UGCG: variants seen among roughly 807,000 people sequenced by gnomAD.
UGCG encodes the protein UDP-glucose ceramide glucosyltransferase, also known as ceramide glucosyltransferase.
Under a neutral mutation model 49.5 loss-of-function variants are expected in UGCG, and 10 were observed. That is an observed-to-expected ratio of 0.20 (90% CI 0.12 to 0.34). The LOEUF (loss-of-function observed/expected upper bound fraction) is 0.34, where lower values mean the gene tolerates loss of function less well. Among genes scored for constraint, UGCG ranks in the 10% least tolerant of loss-of-function variants. UGCG has a pLI of 1.00. For missense variants in UGCG, 312 were observed against 483.7 expected, an observed-to-expected ratio of 0.65 and a Z score of 3.33; for synonymous variants, 182 against 158.2, an observed-to-expected ratio of 1.15 and a Z score of -1.13.
At chr9:111,923,041 C>A in intron 3 of UGCG, 90 bp downstream of exon 3, 1 of 810,280 alleles carries the variant, frequency 1.2e-6, no homozygotes. Flanking sequence ...AGGTGTTAGC[C>A]ATGTTTGTTT....
chr9:111,907,835 G>A (rs1041355197), intron 1 of UGCG, among the ~76,000 whole-genome samples: 33 of 151,972 alleles, frequency 2.2e-4, no homozygotes, highest in African/African-American at 8.0e-4. Context: ...CACCATGTTG[G>A]CCAGGCTGGT....
chr9:111,921,996 A>G (rs1034509814), intron 2 of UGCG, among the ~76,000 whole-genome samples: 2 of 151,492 alleles, frequency 1.3e-5, no homozygotes, highest in African/African-American at 4.9e-5. Context: ...AATTTTTTGT[A>G]GAGACAGGGC....
intron 3 of UGCG, among the ~76,000 whole-genome samples, chr9:111,923,154 C>T (rs1477311818): frequency 6.6e-6 from 1 of 151,646 alleles, no homozygotes; most frequent in African/African-American, 2.4e-5. Flanking sequence ...CAAAATCACA[C>T]ACAAAATAAT....
At chr9:111,901,095 C>T (rs1003536018) in intron 1 of UGCG, among the ~76,000 whole-genome samples, 1 of 152,118 alleles carries the variant, frequency 6.6e-6, no homozygotes, top group Non-Finnish European at 1.5e-5. Flanking sequence ...GGATTACGGG[C>T]GTGAGCCACT....
At chr9:111,926,108 G>T (rs1838308251) in intron 4 of UGCG, among the ~76,000 whole-genome samples, 2 of 152,148 alleles carry the variant, frequency 1.3e-5, no homozygotes, top group Admixed American at 6.5e-5. Flanking sequence ...CCAACAGGGG[G>T]TAACTTTTTC....
intron 3 of UGCG, among the ~76,000 whole-genome samples, chr9:111,923,561 T>C (rs542788536): frequency 6.6e-6 from 1 of 152,316 alleles, no homozygotes; most frequent in Non-Finnish European, 1.5e-5. Context: ...TATCAGCTCA[T>C]GGTCAGAGAT....
chr9:111,926,005 G>A (rs1292548739), intron 4 of UGCG, among the ~76,000 whole-genome samples: 1 of 152,214 alleles, frequency 6.6e-6, no homozygotes, highest in Non-Finnish European at 1.5e-5. Flanking sequence ...TGGTTGGAGA[G>A]TAGAGAAGCC....
In UGCG at chr9:111,926,458, G is replaced by A. The variant is rs780929679; in HGVS notation, c.520G>A (p.Val174Ile). The A allele has an allele frequency of 6.2e-6, 10 of 1,610,806 alleles. No individual in the cohort carries two copies. The highest frequency in any genetic ancestry group is 4.0e-5 in the African/African-American group (3 of 74,818). ...KVGLVHGLPY[V>I]ADRQGFAATL... The stretch of plus-strand genomic sequence containing the variant: ...AGGCTTGGTTCACGGGCTGCCTTAC[G>A]TAGCAGACAGACAGGGCTTTGCTGC... Residue 174 changes from valine to isoleucine, a missense_variant, in exon 5 of 9, where the codon GTA becomes ATA. Physicochemically the swap from Val to Ile is conservative, Grantham distance 29 (BLOSUM62 3). Around this residue, in one of 4 missense-constraint regions of UGCG, gnomAD observed 180 missense variants for 320.4 expected, o/e 0.56. Transcript: ENST00000374279.
chr9:111,914,964 G>A (rs562666193), intron 2 of UGCG: 16 of 499,338 alleles, frequency 3.2e-5, no homozygotes, highest in African/African-American at 3.1e-4. Context: ...ATGTCCGTGT[G>A]AAGTAGAGAT....
chr9:111,910,484 T>G (rs975732661), intron 1 of UGCG, among the ~76,000 whole-genome samples: 6 of 152,216 alleles, frequency 3.9e-5, no homozygotes, highest in African/African-American at 7.2e-5. Flanking sequence ...CTGGATAGCT[T>G]CTTCTAATCT....
In UGCG at chr9:111,932,994, A is replaced by G. The variant is rs546531014; in HGVS notation, c.1182A>G (p.Val394=). 5 of 1,578,660 alleles carry G rather than the reference A, an allele frequency of 3.2e-6. No homozygotes were observed. The highest frequency in any genetic ancestry group is 1.4e-5 in the African/African-American group (1 of 74,034). ...CGGTAEEILD[V] The stretch of plus-strand genomic sequence containing the variant: ...GTACAGCAGAGGAAATCCTAGATGT[A>G]TAACTACAGCTTTGTGACTGTATAT... Residue 394 remains valine (V), a synonymous_variant, in exon 9 of 9, where the codon GTA becomes GTG. Transcript: ENST00000374279.
intron 1 of UGCG, among the ~76,000 whole-genome samples, 198 bp downstream of exon 1, chr9:111,897,511 G>T (rs1837685679): frequency 6.6e-6 from 1 of 152,196 alleles, no homozygotes; most frequent in Non-Finnish European, 1.5e-5. Context: ...AGTGTTGGGC[G>T]TGGGAAGGGT....
chr9:111,915,945 G>A (rs942259904), intron 2 of UGCG: 1 of 415,790 alleles, frequency 2.4e-6, no homozygotes, highest in Non-Finnish European at 3.2e-6. Context: ...CTGTTTTGAA[G>A]CAAAAAAATT....
chr9:111,916,475 C>T (rs191690755), intron 2 of UGCG, among the ~76,000 whole-genome samples: 2 of 151,898 alleles, frequency 1.3e-5, no homozygotes, highest in Non-Finnish European at 2.9e-5. Flanking sequence ...TTTTTGTGTT[C>T]GTTTTTGTTT....
At position 111,929,403 on chromosome 9, in the gene UGCG, A is replaced by G. The variant is rs1031663508; in HGVS notation, c.559-97A>G. ...GTAAGAATAATAAGATATTCACTCAATCATACTTATAAAAAAACCATTGGG... is the reference window on the plus strand; with the variant it reads ...GTAAGAATAATAAGATATTCACTCAGTCATACTTATAAAAAAACCATTGGG... On this transcript the variant is annotated intron_variant, in intron 5 of 8. Transcript: ENST00000374279. 7.1e-6 allele frequency: 9 copies of G among 1,271,726 alleles called. No individual in the cohort carries two copies. In the Admixed American group the frequency reaches 1.4e-4, roughly 19 times the overall value. The allele number at this position is 1,271,726 out of a possible 1,614,324, so 78.8% of individuals were successfully genotyped here. A position where few individuals can be genotyped will look rare whatever the true frequency, so the allele number is the denominator to read the frequency against.
intron 6 of UGCG, 69 bp from the exon 7 acceptor site, chr9:111,931,202 A>C: frequency 2.8e-6 from 4 of 1,447,830 alleles, no homozygotes; most frequent in Non-Finnish European, 3.8e-6. Context: ...ATGATTACTG[A>C]ATGCATAACC....
intron 3 of UGCG, among the ~76,000 whole-genome samples, chr9:111,923,278 A>C (rs1366919236): frequency 6.6e-6 from 1 of 151,920 alleles, no homozygotes; most frequent in Non-Finnish European, 1.5e-5. Context: ...GATAGAATTC[A>C]CTTTTATTAC....
chr9:111,922,865 G>T lies in UGCG; in HGVS notation c.257G>T (p.Cys86Phe). ...TTTGACTAGTATGAAGTGCTCCTTTGTGTACAAGATCATGATGATCCAGCC... is the reference window on the plus strand; with the variant it reads ...TTTGACTAGTATGAAGTGCTCCTTTTTGTACAAGATCATGATGATCCAGCC... ...LDYPKYEVLL[C>F]VQDHDDPAID... Residue 86 changes from cysteine (C) to phenylalanine (F), a missense_variant, in exon 3 of 9, where the codon TGT (cysteine) becomes TTT (phenylalanine). Cys to Phe is a radical substitution (Grantham distance 205). This residue lies in a region of UGCG where 64 missense variants were observed against 67.6 expected (regional missense o/e 0.95). Transcript: ENST00000374279. 1 of 1,611,146 alleles carries T rather than the reference G, an allele frequency of 6.2e-7. No homozygotes were observed.
chr9:111,912,281 A>G (rs1386997227), intron 1 of UGCG, among the ~76,000 whole-genome samples: 2 of 151,952 alleles, frequency 1.3e-5, no homozygotes, highest in Non-Finnish European at 2.9e-5. Flanking sequence ...GTTGTTCTTT[A>G]AAATTATCCA....
Sources: gnomAD v4.1 joint callset for allele counts (sites outside exome capture counted in the v4.1 genomes callset) on GRCh38, gnomAD v4.1.1 for gene constraint, gnomAD v4.1.1 regional missense constraint, MANE v1.5 for transcripts, NCBI Gene and HGNC (gene_info 2026-07-23, HGNC 2026-07-21) for gene names.